PARD3B: variants seen among roughly 807,000 people sequenced by gnomAD.
The protein encoded by PARD3B is par-3 family cell polarity regulator beta, also known as partitioning defective 3 homolog B.
Under a neutral mutation model 130.2 loss-of-function variants are expected in PARD3B, and 103 were observed. The observed-to-expected ratio is 0.79, with a 90% CI of 0.67 to 0.93. The LOEUF is 0.93. Among genes scored for constraint, PARD3B ranks in the 40% least tolerant of loss-of-function variants. The pLI is 0.00. For missense variants in PARD3B, 1,609 were observed against 1,499.2 expected, an observed-to-expected ratio of 1.07 and a Z score of -1.21; for synonymous variants, 583 against 553.2, an observed-to-expected ratio of 1.05 and a Z score of -0.76.
At chr2:204,622,565 T>G (rs891259814) in intron 1 of PARD3B, among the ~76,000 whole-genome samples, 4 of 151,186 alleles carry the variant, frequency 2.6e-5, no homozygotes, top group Non-Finnish European at 5.9e-5. Flanking sequence ...ACTATAATAT[T>G]AATTCATTTT....
intron 20 of PARD3B, among the ~76,000 whole-genome samples, chr2:205,483,356 T>C (rs1167185741): frequency 6.6e-6 from 1 of 152,198 alleles, no homozygotes; most frequent in Non-Finnish European, 1.5e-5. Flanking sequence ...AGAAAGCTCT[T>C]ACAGCTGTCC....
chr2:204,686,965 G>C (rs1022400807), intron 2 of PARD3B, among the ~76,000 whole-genome samples: 3 of 152,120 alleles, frequency 2.0e-5, no homozygotes, highest in Non-Finnish European at 4.4e-5. Context: ...TTTGGCTCCT[G>C]TCATCAATGG....
Position 205,158,203 on chromosome 2 carries a change from T to C in PARD3B, c.1435-519T>C, listed in dbSNP as rs2034296367. Among the ~76,000 whole-genome samples the C allele has an allele frequency of 6.6e-6, 1 of 152,240 alleles. No individual in the cohort carries two copies. The highest frequency in any genetic ancestry group is 2.1e-4 in the South Asian group (1 of 4,832). On this transcript the variant is annotated intron_variant, in intron 10 of 22. Coordinates refer to ENST00000406610, the MANE Select transcript of PARD3B (RefSeq NM_001302769.2). The surrounding 1 kb of genome is among the most constrained non-coding windows in gnomAD (Gnocchi z 5.4). ...AACATCTCATTTTTACTGTGTCTTA[T>C]TAACAAACTTTACCAATAGTGTTGT...
At chr2:204,665,405 G>C (rs959182532) in intron 1 of PARD3B, among the ~76,000 whole-genome samples, 3 of 152,096 alleles carry the variant, frequency 2.0e-5, no homozygotes, top group Non-Finnish European at 4.4e-5. Context: ...CTGGTTCAGG[G>C]CTGTGGTCCC....
At chr2:205,162,765 C>T (rs2034577406) in intron 11 of PARD3B, among the ~76,000 whole-genome samples, 1 of 152,178 alleles carries the variant, frequency 6.6e-6, no homozygotes, top group Admixed American at 6.6e-5. Context: ...CCTAAATCCA[C>T]ATCAAAATGT....
chr2:204,695,457 C>T (rs1488117909), intron 2 of PARD3B, among the ~76,000 whole-genome samples: 1 of 151,954 alleles, frequency 6.6e-6, no homozygotes, highest in Non-Finnish European at 1.5e-5. Flanking sequence ...TAATACCTAG[C>T]TGAAATCAGC....
At chr2:205,084,715 AG>A (rs1274435031) in intron 4 of PARD3B, among the ~76,000 whole-genome samples, 1 of 151,748 alleles carries the variant, frequency 6.6e-6, no homozygotes, top group Non-Finnish European at 1.5e-5. Context: ...GCTCGTTTTT[AG>A]GTTTCTTTTT....
chr2:205,608,750 C>T (rs10193488), intron 22 of PARD3B, among the ~76,000 whole-genome samples: 149,446 of 152,338 alleles, frequency 0.98, 73,364 homozygotes, highest in Middle Eastern at 1. Context: ...TCATTGCACA[C>T]GCAGTTTGTT....
chr2:205,413,349 C>T (rs566920220), intron 19 of PARD3B, among the ~76,000 whole-genome samples: 149 of 152,236 alleles, frequency 9.8e-4, no homozygotes, highest in African/African-American at 3.4e-3. Flanking sequence ...CCCTTACTAC[C>T]TCACCATTTC....
At chr2:205,267,352 A>T (rs1174745134) in intron 16 of PARD3B, among the ~76,000 whole-genome samples, 1 of 142,210 alleles carries the variant, frequency 7.0e-6, no homozygotes, top group Admixed American at 6.9e-5. Context: ...CAGAGAGGGT[A>T]AAACTTACAC....
intron 2 of PARD3B, among the ~76,000 whole-genome samples, chr2:204,920,652 A>AT (rs1176081288): frequency 1.3e-5 from 2 of 152,194 alleles, no homozygotes; most frequent in Non-Finnish European, 2.9e-5. Context: ...TTTTCAGCTA[A>AT]TATTGCAGAG....
intron 16 of PARD3B, among the ~76,000 whole-genome samples, chr2:205,254,516 C>T (rs2125935688): frequency 6.6e-6 from 1 of 151,974 alleles, no homozygotes; most frequent in Non-Finnish European, 1.5e-5. Context: ...TTTAGGTGTA[C>T]GAGTTTCAAA....
intron 15 of PARD3B, among the ~76,000 whole-genome samples, chr2:205,233,827 C>G (rs575353293): frequency 6.6e-6 from 1 of 152,234 alleles, no homozygotes; most frequent in South Asian, 2.1e-4. Flanking sequence ...TTATTAGATA[C>G]TGTACTGAAA....
rs989266687 is a variant in PARD3B at position 205,281,386 on chromosome 2, A to T, written c.2186-19144A>T. On this transcript the variant is annotated intron_variant, in intron 16 of 22. Transcript: ENST00000406610. This position sits in a 1 kb window ranked among gnomAD's most constrained non-coding sequence, Gnocchi z 4.2. The stretch of plus-strand genomic sequence containing the variant: ...GAGTGACCCATCTTGTAGGTCCCAC[A>T]CTGCCTAAGTCATTTTCTGGTCTTC... Among the ~76,000 whole-genome samples, 6 of 152,196 alleles carry T rather than the reference A, an allele frequency of 3.9e-5. No homozygotes were observed. Among genetic ancestry groups the T allele is most frequent in the African/African-American group, 1.4e-4 (6 of 41,462 alleles).
chr2:204,842,767 G>A (rs754980691), intron 2 of PARD3B, among the ~76,000 whole-genome samples: 5 of 151,990 alleles, frequency 3.3e-5, no homozygotes, highest in Non-Finnish European at 5.9e-5. Context: ...GAAGAAAATC[G>A]CTCTGTACAG....
At chr2:205,173,877 C>A (rs919435026) in intron 12 of PARD3B, among the ~76,000 whole-genome samples, 2 of 152,200 alleles carry the variant, frequency 1.3e-5, no homozygotes, top group African/African-American at 4.8e-5. Context: ...TCCATGGAAC[C>A]CGTTTATTGG....
intron 15 of PARD3B, among the ~76,000 whole-genome samples, chr2:205,194,870 G>A (rs899827364): frequency 6.6e-6 from 1 of 151,186 alleles, no homozygotes; most frequent in African/African-American, 2.4e-5. Flanking sequence ...TGCAACCTCC[G>A]CCCCCTGGGT....
chr2:205,505,792 T>G (rs2050338851), intron 21 of PARD3B, among the ~76,000 whole-genome samples: 1 of 152,350 alleles, frequency 6.6e-6, no homozygotes, highest in East Asian at 1.9e-4. Context: ...ATGAGATGCC[T>G]CTGAAGTTTT....
At chr2:204,633,785 C>T (rs2034773583) in intron 1 of PARD3B, among the ~76,000 whole-genome samples, 1 of 152,122 alleles carries the variant, frequency 6.6e-6, no homozygotes, top group Non-Finnish European at 1.5e-5. Context: ...CCCCTCCAGC[C>T]TGGGCAACAG....
Sources: gnomAD v4.1 joint callset for allele counts (sites outside exome capture counted in the v4.1 genomes callset) on GRCh38, gnomAD v4.1.1 for gene constraint, Gnocchi (gnomAD v3.1) non-coding constraint, MANE v1.5 for transcripts, NCBI Gene and HGNC (gene_info 2026-07-23, HGNC 2026-07-21) for gene names.